Variants in TUBGCP3 observed in about 807,000 individuals in gnomAD.
TUBGCP3 encodes the protein tubulin gamma complex component 3.
TUBGCP3 carries 50 observed loss-of-function variants against 123.1 expected under a neutral mutation model. The ratio of observed to expected loss-of-function variants is 0.41; its 90% CI spans 0.32 to 0.51. The LOEUF (loss-of-function observed/expected upper bound fraction) is 0.51. Among genes scored for constraint, TUBGCP3 ranks in the 20% least tolerant of loss-of-function variants. TUBGCP3 has a pLI of 0.36. For missense variants in TUBGCP3, 882 were observed against 1,127.0 expected (o/e 0.78, Z 3.11); for synonymous variants, 405 against 413.9 (o/e 0.98, Z 0.26).
At chr13:112,590,293 G>A (rs533915558), upstream of TUBGCP3, among the ~76,000 whole-genome samples, 35 of 152,138 alleles carry the variant, frequency 2.3e-4, no homozygotes, top group African/African-American at 7.5e-4. Context: ...CTTTCTTAAC[G>A]TGCATACACG....
intron 20 of TUBGCP3, among the ~76,000 whole-genome samples, chr13:112,495,647 T>G (rs578068084): frequency 3.3e-5 from 5 of 152,220 alleles, no homozygotes; most frequent in African/African-American, 1.2e-4. Flanking sequence ...ATCAGTGTGA[T>G]AATACTGTGG....
intron 3 of TUBGCP3, among the ~76,000 whole-genome samples, chr13:112,560,919 C>T (rs1473605983): frequency 6.6e-6 from 1 of 152,152 alleles, no homozygotes; most frequent in Non-Finnish European, 1.5e-5. Flanking sequence ...AAAAGGGCTT[C>T]TGGAGGAGAC....
intron 11 of TUBGCP3, among the ~76,000 whole-genome samples, chr13:112,541,053 A>G (rs966810299): frequency 6.6e-6 from 1 of 152,238 alleles, no homozygotes; most frequent in Non-Finnish European, 1.5e-5. Context: ...AATGAATCAA[A>G]GTTTAAACAT....
chr13:112,548,052 T>C, intron 9 of TUBGCP3, 56 bp downstream of exon 9: 1 of 1,347,606 alleles, frequency 7.4e-7, no homozygotes, highest in Non-Finnish European at 1.0e-6. Flanking sequence ...CTATATAGCT[T>C]CAATTTTGTA....
Position 112,543,019 on chromosome 13 carries a change from G to A in TUBGCP3, c.1335+2680C>T, listed in dbSNP as rs145122958. On this transcript the variant is annotated intron_variant, in intron 11 of 21. Transcript: ENST00000261965. ...AAAAAACTTAGCTGGGCGTAGCAGCGTGCGCCTGTAGTTCCAGCTACTTGG... is the reference window on the plus strand; with the variant it reads ...AAAAAACTTAGCTGGGCGTAGCAGCATGCGCCTGTAGTTCCAGCTACTTGG... Among the ~76,000 whole-genome samples the A allele has an allele frequency of 3.3e-3, 498 of 152,238 alleles. 4 individuals carry two copies. Among genetic ancestry groups the A allele is most frequent in the African/African-American group, 8.3e-3 (345 of 41,546 alleles).
chr13:112,595,721 G>A, the TUBGCP3 span, among the ~76,000 whole-genome samples: 2 of 138,232 alleles, frequency 1.4e-5, no homozygotes, highest in Admixed American at 1.4e-4. Flanking sequence ...AGGATAGACA[G>A]CATATAGTTG....
intron 7 of TUBGCP3, 75 bp from the exon 8 acceptor site, chr13:112,554,257 C>A: frequency 2.0e-6 from 3 of 1,537,106 alleles, no homozygotes; most frequent in Non-Finnish European, 2.7e-6. Context: ...TTCTCAAGCA[C>A]TTCTACTTTT....
intron 19 of TUBGCP3, among the ~76,000 whole-genome samples, chr13:112,503,040 T>G (rs148339723): frequency 0.014 from 2,148 of 152,226 alleles, 47 homozygotes; most frequent in African/African-American, 0.049. Context: ...AAAATTTAGA[T>G]GAAGTAAAGG....
At chr13:112,516,047 T>C (rs1292970516) in intron 17 of TUBGCP3, among the ~76,000 whole-genome samples, 1 of 152,204 alleles carries the variant, frequency 6.6e-6, no homozygotes, top group Non-Finnish European at 1.5e-5. Flanking sequence ...GTTTATAACA[T>C]TAAAATAATC....
intron 11 of TUBGCP3, among the ~76,000 whole-genome samples, chr13:112,531,000 T>C (rs1165089903): frequency 2.0e-5 from 3 of 152,264 alleles, no homozygotes; most frequent in Non-Finnish European, 2.9e-5. Flanking sequence ...ACTGAACACA[T>C]GCTACCAGTA....
At chr13:112,513,944 C>A (rs1875851455) in intron 17 of TUBGCP3, among the ~76,000 whole-genome samples, 1 of 152,146 alleles carries the variant, frequency 6.6e-6, no homozygotes, top group Non-Finnish European at 1.5e-5. Context: ...AAATCTCACA[C>A]CATCCTGCTC....
intron 1 of TUBGCP3, among the ~76,000 whole-genome samples, chr13:112,579,692 C>G (rs548570080): frequency 1.3e-5 from 2 of 149,974 alleles, no homozygotes; most frequent in East Asian, 4.0e-4. Context: ...CTGCTGTGTG[C>G]GGGTGGAGCC....
chr13:112,522,783 G>A (rs1385038107), intron 13 of TUBGCP3, among the ~76,000 whole-genome samples: 1 of 152,140 alleles, frequency 6.6e-6, no homozygotes, highest in Non-Finnish European at 1.5e-5. Context: ...GTAACTAACC[G>A]TAAATCTCAC....
chr13:112,550,913 A>G (rs1369146389), intron 8 of TUBGCP3, among the ~76,000 whole-genome samples: 4 of 152,212 alleles, frequency 2.6e-5, no homozygotes, highest in Non-Finnish European at 5.9e-5. Context: ...CCTGGCTAAC[A>G]CAGTGAAACC....
At chr13:112,558,510 T>C in intron 4 of TUBGCP3, 97 bp from the exon 5 acceptor site, 1 of 1,082,612 alleles carries the variant, frequency 9.2e-7, no homozygotes, top group South Asian at 2.1e-5. Context: ...TCCTTCTATT[T>C]CTGTAACTGG....
rs954362060 is a variant in TUBGCP3, at chr13:112,565,169, T to C, written c.194A>G (p.Gln65Arg). The C allele has an allele frequency of 5.0e-6, 8 of 1,612,950 alleles. No individual in the cohort carries two copies. The highest frequency in any genetic ancestry group is 1.1e-5 in the South Asian group (1 of 91,018). ...TAATGCAGCATCTGCTTCTCTTCGT[T>C]GTCGAATAACTGAAAAGACAGAAAA... Reference protein sequence around the residue: ...AEKIKKELIRQRREADAALFS... With the variant: ...AEKIKKELIRRRREADAALFS... The change falls in exon 3 of 22, where the codon CAA (glutamine) becomes CGA (arginine). Residue 65 changes from glutamine (Q) to arginine (R), a missense_variant. Gln to Arg is a conservative substitution (Grantham distance 43). Coordinates refer to ENST00000261965, the MANE Select transcript of TUBGCP3 (RefSeq NM_006322.6).
chr13:112,547,083 G>C (rs777016295), intron 10 of TUBGCP3: 4 of 206,852 alleles, frequency 1.9e-5, no homozygotes, highest in Non-Finnish European at 3.8e-5. Context: ...AAAGCAACTA[G>C]CAATACAGAA....
chr13:112,568,014 A>G (rs1239889950), intron 2 of TUBGCP3, among the ~76,000 whole-genome samples: 1 of 151,672 alleles, frequency 6.6e-6, no homozygotes, highest in Non-Finnish European at 1.5e-5. Context: ...GTTACTACTG[A>G]GACCCAAGGC....
intron 1 of TUBGCP3, among the ~76,000 whole-genome samples, chr13:112,578,545 T>C (rs1393677250): frequency 2.1e-5 from 2 of 93,678 alleles, no homozygotes; most frequent in South Asian, 3.3e-4. Context: ...GGCGAAAGAG[T>C]GAGACTCCGT....
Sources: allele counts gnomAD v4.1 joint callset (sites outside exome capture counted in the v4.1 genomes callset), GRCh38; gene constraint gnomAD v4.1.1; transcripts MANE v1.5; gene names NCBI Gene and HGNC (gene_info 2026-07-23, HGNC 2026-07-21).